KIAA0825: variants seen among roughly 807,000 people sequenced by gnomAD.
The protein encoded by KIAA0825 is uncharacterized protein KIAA0825.
A neutral mutation model predicts 147.6 loss-of-function variants in KIAA0825; 119 were observed. The observed-to-expected ratio is 0.81, with a 90% CI of 0.69 to 0.94. The LOEUF (loss-of-function observed/expected upper bound fraction) is 0.94. Ranked by LOEUF, KIAA0825 falls within the 40% of genes least tolerant of loss-of-function variation. KIAA0825 has a pLI of 0.00. For synonymous variants in KIAA0825, 470 were observed against 518.1 expected (o/e 0.91, Z 1.26); for missense variants, 1,381 against 1,472.7 (o/e 0.94, Z 1.02).
chr5:94,254,313 A>T (rs1776126255), intron 20 of KIAA0825, among the ~76,000 whole-genome samples: 1 of 152,198 alleles, frequency 6.6e-6, no homozygotes, highest in African/African-American at 2.4e-5. Flanking sequence ...TGGTTAGCAG[A>T]TAGTGCTAAT....
intron 20 of KIAA0825, among the ~76,000 whole-genome samples, chr5:94,361,781 G>A (rs993715437): frequency 7.2e-5 from 11 of 152,002 alleles, no homozygotes; most frequent in African/African-American, 2.7e-4. Context: ...AAACCCTTGG[G>A]GTCTATAAAT....
At chr5:94,594,360 AT>A in intron 1 of KIAA0825, 1 of 748,382 alleles carries the variant, frequency 1.3e-6, no homozygotes, top group Non-Finnish European at 2.4e-6. Flanking sequence ...ACAACAGCAG[AT>A]TTATAAAATG....
intron 20 of KIAA0825, among the ~76,000 whole-genome samples, chr5:94,188,563 A>T (rs1382711326): frequency 6.6e-6 from 1 of 152,046 alleles, no homozygotes; most frequent in Non-Finnish European, 1.5e-5. Flanking sequence ...CCTTTCACTT[A>T]GCATGTTTTT....
intron 1 of KIAA0825, among the ~76,000 whole-genome samples, chr5:94,617,054 A>G (rs1300185386): frequency 1.3e-5 from 2 of 152,248 alleles, no homozygotes; most frequent in East Asian, 3.8e-4. Flanking sequence ...TTTGCAAAAT[A>G]GAAATAATAC....
chr5:94,328,245 T>C (rs1372409585), intron 20 of KIAA0825, among the ~76,000 whole-genome samples: 2 of 152,152 alleles, frequency 1.3e-5, no homozygotes, highest in Non-Finnish European at 2.9e-5. Context: ...ATACAGAACA[T>C]AAAAATTAAT....
intron 20 of KIAA0825, among the ~76,000 whole-genome samples, chr5:94,350,487 C>T (rs1046330835): frequency 6.6e-6 from 1 of 152,084 alleles, no homozygotes; most frequent in Non-Finnish European, 1.5e-5. Flanking sequence ...AAAAAGAAAA[C>T]TACAGACTGA....
At chr5:94,529,246 ATATATATGTATAT>A (rs1770072625) in intron 3 of KIAA0825, among the ~76,000 whole-genome samples, 1 of 127,212 alleles carries the variant, frequency 7.9e-6, no homozygotes, top group African/African-American at 3.5e-5. Context: ...GTATATATAC[ATATATATGTATAT>A]ATCATATATA....
At chr5:94,461,029 G>T (rs1186268663) in intron 12 of KIAA0825, among the ~76,000 whole-genome samples, 1 of 151,900 alleles carries the variant, frequency 6.6e-6, no homozygotes, top group Non-Finnish European at 1.5e-5. Context: ...ATTTAAATTT[G>T]CTGAATGAGG....
At chr5:94,548,168 G>A (rs780223371) in intron 2 of KIAA0825, among the ~76,000 whole-genome samples, 1 of 152,108 alleles carries the variant, frequency 6.6e-6, no homozygotes, top group Non-Finnish European at 1.5e-5. Flanking sequence ...ATCTTAAATA[G>A]AAAGACTAAA....
intron 12 of KIAA0825, among the ~76,000 whole-genome samples, chr5:94,454,116 A>G (rs1341608878): frequency 6.6e-6 from 1 of 152,196 alleles, no homozygotes; most frequent in African/African-American, 2.4e-5. Context: ...TCTTGACACA[A>G]TATAAAAGGA....
intron 10 of KIAA0825, 143 bp downstream of exon 10, chr5:94,469,818 A>C: frequency 3.3e-6 from 2 of 604,016 alleles, no homozygotes; most frequent in Non-Finnish European, 5.3e-6. Context: ...TTTCCTAAGT[A>C]TGAATTCAAT....
intron 20 of KIAA0825, among the ~76,000 whole-genome samples, chr5:94,380,611 A>G (rs1379649907): frequency 1.3e-5 from 2 of 152,248 alleles, no homozygotes; most frequent in African/African-American, 4.8e-5. Context: ...AGTAGAGTAG[A>G]ATGCTAGGGT....
chr5:94,416,545 T>C (rs1001453631), intron 15 of KIAA0825: 1 of 152,176 alleles, frequency 6.6e-6, no homozygotes, highest in African/African-American at 2.4e-5. Flanking sequence ...AGATATTAAA[T>C]ATGAAAATTT....
intron 13 of KIAA0825, among the ~76,000 whole-genome samples, chr5:94,446,620 T>C (rs1451702540): frequency 1.3e-5 from 2 of 152,164 alleles, no homozygotes; most frequent in African/African-American, 4.8e-5. Context: ...GAAAGCAGAA[T>C]TCACAGAGTA....
rs1349316956 is a variant in KIAA0825 at position 94,391,696 on chromosome 5, T to G, written c.3297-2A>C. On this transcript the variant is annotated splice_acceptor_variant, in intron 17 of 20. Coordinates refer to ENST00000682413, the MANE Select transcript of KIAA0825 (RefSeq NM_001145678.3). LOFTEE classifies it high-confidence loss of function. ...CTTTTCTCTATTGTCATAAATGCAC[T>G]AAATACAAAGAAAGCATATACATAT... 1 of 1,529,258 alleles carries G rather than the reference T, an allele frequency of 6.5e-7. No homozygotes were observed. The highest frequency in any genetic ancestry group is 1.4e-5 in the African/African-American group (1 of 72,338). 94.7% of individuals were successfully genotyped at this position (1,529,258 alleles called of 1,614,324 possible).
intron 20 of KIAA0825, among the ~76,000 whole-genome samples, chr5:94,342,958 A>G (rs1253747502): frequency 6.6e-6 from 1 of 152,182 alleles, no homozygotes; most frequent in Non-Finnish European, 1.5e-5. Flanking sequence ...GTACCAAAAA[A>G]GAGAAAACAA....
At chr5:94,306,254 C>A (rs1280480218) in intron 20 of KIAA0825, among the ~76,000 whole-genome samples, 1 of 151,668 alleles carries the variant, frequency 6.6e-6, no homozygotes, top group African/African-American at 2.4e-5. Context: ...CACTAATTCC[C>A]AAAATCAATA....
intron 2 of KIAA0825, among the ~76,000 whole-genome samples, chr5:94,565,843 C>G (rs1304648808): frequency 6.6e-6 from 1 of 152,162 alleles, no homozygotes; most frequent in African/African-American, 2.4e-5. Context: ...TTGAATCAAG[C>G]TAATTAACAT....
At chr5:94,277,211 A>T (rs1173185528) in intron 20 of KIAA0825, among the ~76,000 whole-genome samples, 1 of 152,152 alleles carries the variant, frequency 6.6e-6, no homozygotes, top group Non-Finnish European at 1.5e-5. Context: ...ACTGAATGAG[A>T]TAATAAGGTA....
Sources: allele counts gnomAD v4.1 joint callset (sites outside exome capture counted in the v4.1 genomes callset), GRCh38; gene constraint gnomAD v4.1.1; transcripts MANE v1.5; gene names NCBI Gene and HGNC (gene_info 2026-07-23, HGNC 2026-07-21).